PDE1C: variants seen among roughly 807,000 people sequenced by gnomAD.
The protein encoded by PDE1C is phosphodiesterase 1C.
Under a neutral mutation model 93.1 loss-of-function variants are expected in PDE1C, and 62 were observed. The observed-to-expected ratio is 0.67, with a 90% CI of 0.54 to 0.82. The LOEUF (loss-of-function observed/expected upper bound fraction) is 0.82, where lower values mean the gene tolerates loss of function less well. Among genes scored for constraint, PDE1C ranks in the 40% least tolerant of loss-of-function variants. The probability of loss-of-function intolerance (pLI) is 0.00; values close to 1 mark genes in which losing one functional copy is unlikely to be tolerated. For synonymous variants in PDE1C, 325 were observed against 310.1 expected (o/e 1.05, Z -0.50); for missense variants, 742 against 884.6 (o/e 0.84, Z 2.04).
the PDE1C span, among the ~76,000 whole-genome samples, chr7:31,712,858 G>A: frequency 6.6e-6 from 1 of 152,098 alleles, no homozygotes; most frequent in Non-Finnish European, 1.5e-5. Context: ...GATCTCATGA[G>A]ACTTATTCAC....
chr7:32,227,080 T>C (rs1807337539), intron 1 of PDE1C, among the ~76,000 whole-genome samples: 1 of 152,200 alleles, frequency 6.6e-6, no homozygotes, highest in Non-Finnish European at 1.5e-5. Context: ...GCAGCCAACC[T>C]TGCAGTCGCA....
rs1583435950 is a variant in PDE1C at position 32,420,414 on chromosome 7, CAT to C, written c.310+7406_310+7407del. ...ATATACACACACACACACACACACA[CAT>C]ATACACACACACATGTAATCCCAAC... On this transcript the variant is annotated intron_variant, in intron 1 of 1. Coordinates refer to the PDE1C transcript ENST00000672256. Among the ~76,000 whole-genome samples the C allele has an allele frequency of 2.9e-5, 4 of 139,898 alleles. No individual in the cohort carries two copies. In the East Asian group the frequency reaches 8.7e-4, roughly 31 times the overall value. The allele number at this position is 139,898 out of a possible 152,430, so 91.8% of individuals were successfully genotyped here. A position where few individuals can be genotyped will look rare whatever the true frequency, so the allele number is the denominator to read the frequency against.
intron 3 of PDE1C, among the ~76,000 whole-genome samples, chr7:32,166,122 A>G (rs1160193082): frequency 2.0e-5 from 3 of 152,108 alleles, no homozygotes; most frequent in Admixed American, 1.3e-4. Context: ...TTTGCAATGT[A>G]CACATGCAAC....
At chr7:32,192,572 A>G (rs1804308111) in intron 2 of PDE1C, among the ~76,000 whole-genome samples, 1 of 151,838 alleles carries the variant, frequency 6.6e-6, no homozygotes, top group Non-Finnish European at 1.5e-5. Context: ...CACCAATACC[A>G]CTCATCTTGA....
intron 1 of PDE1C, among the ~76,000 whole-genome samples, chr7:32,357,342 A>AT (rs1784051581): frequency 6.6e-6 from 1 of 152,068 alleles, no homozygotes; most frequent in African/African-American, 2.4e-5. Context: ...ACACACAAAA[A>AT]AAAAACCTTT....
chr7:32,306,257 T>C (rs939035836), intron 1 of PDE1C, among the ~76,000 whole-genome samples: 3 of 152,156 alleles, frequency 2.0e-5, no homozygotes, highest in Non-Finnish European at 4.4e-5. Context: ...AACGGGCTAA[T>C]ACCGTAAATT....
At position 31,833,051 on chromosome 7, in the gene PDE1C, C is replaced by T. The variant is rs1228416244; in HGVS notation, c.1203+4129G>A. Among the ~76,000 whole-genome samples the T allele has an allele frequency of 3.3e-5, 5 of 152,144 alleles. No homozygotes were observed. In the East Asian group the frequency reaches 7.8e-4, roughly 24 times the overall value. ...TTCCCATGTGTTGTGGAAGGGAGCC[C>T]GTGGGAGATAATTGAATAATGGGGG... is the stretch of plus-strand genomic sequence containing the variant. On this transcript the variant is annotated intron_variant, in intron 11 of 17. Transcript: ENST00000396191.
intron 2 of PDE1C, among the ~76,000 whole-genome samples, chr7:31,988,854 G>T (rs1362505541): frequency 6.6e-6 from 1 of 152,070 alleles, no homozygotes; most frequent in African/African-American, 2.4e-5. Context: ...AATTAGCTGG[G>T]CGTAGTGGCA....
chr7:32,082,610 G>C (rs566601986), intron 3 of PDE1C, among the ~76,000 whole-genome samples: 1 of 152,260 alleles, frequency 6.6e-6, no homozygotes, highest in East Asian at 1.9e-4. Context: ...CCCCAGTAGG[G>C]GCAGACTGAC....
At chr7:32,203,892 T>G (rs1239757935) in intron 2 of PDE1C, among the ~76,000 whole-genome samples, 1 of 152,220 alleles carries the variant, frequency 6.6e-6, no homozygotes, top group East Asian at 1.9e-4. Flanking sequence ...AAATTCGCTC[T>G]CCCTGTGGAT....
At chr7:31,692,686 G>A in the PDE1C span, among the ~76,000 whole-genome samples, 1 of 152,208 alleles carries the variant, frequency 6.6e-6, no homozygotes, top group Non-Finnish European at 1.5e-5. Context: ...ATAGCCATGG[G>A]TCTGTGGGGT....
the PDE1C span, among the ~76,000 whole-genome samples, chr7:31,676,433 C>T: frequency 2.0e-5 from 3 of 152,082 alleles, no homozygotes; most frequent in Non-Finnish European, 4.4e-5. Context: ...TAAAACTACA[C>T]ACACACACAC....
chr7:32,400,493 A>C (rs431007), intron 1 of PDE1C, among the ~76,000 whole-genome samples: 134,086 of 152,184 alleles, frequency 0.88, 60,881 homozygotes, highest in East Asian at 0.99. Context: ...TAAGAGTTAC[A>C]ATGCACATTT....
intron 1 of PDE1C, among the ~76,000 whole-genome samples, chr7:32,291,123 C>T (rs895231233): frequency 6.6e-6 from 1 of 152,150 alleles, no homozygotes; most frequent in African/African-American, 2.4e-5. Context: ...ATATAATTGT[C>T]TACATTTAAC....
chr7:31,895,378 G>A (rs1799152424), intron 2 of PDE1C, among the ~76,000 whole-genome samples: 1 of 152,078 alleles, frequency 6.6e-6, no homozygotes, highest in Non-Finnish European at 1.5e-5. Context: ...CTGTGACCAA[G>A]CAGACAAGAG....
chr7:31,767,683 G>A (rs1246539034), intron 17 of PDE1C, among the ~76,000 whole-genome samples: 2 of 152,214 alleles, frequency 1.3e-5, no homozygotes, highest in Non-Finnish European at 2.9e-5. Context: ...CTGTGACTGA[G>A]TGGGTTACAA....
intron 1 of PDE1C, among the ~76,000 whole-genome samples, chr7:32,255,719 G>A (rs1809740470): frequency 6.6e-6 from 1 of 152,134 alleles, no homozygotes; most frequent in South Asian, 2.1e-4. Context: ...GAAGAGAAAG[G>A]ACACCCCAAA....
chr7:32,180,428 G>T (rs895957639), intron 2 of PDE1C, among the ~76,000 whole-genome samples: 2 of 152,328 alleles, frequency 1.3e-5, no homozygotes, highest in African/African-American at 4.8e-5. Flanking sequence ...CAGTATAATA[G>T]TATTAAGAGG....
At chr7:32,253,398 A>G (rs1439229608) in intron 1 of PDE1C, among the ~76,000 whole-genome samples, 1 of 152,148 alleles carries the variant, frequency 6.6e-6, no homozygotes, top group Non-Finnish European at 1.5e-5. Flanking sequence ...CCGAAACCCC[A>G]CAATGCTCCA....
Sources: gnomAD v4.1 joint callset for allele counts (sites outside exome capture counted in the v4.1 genomes callset) on GRCh38, gnomAD v4.1.1 for gene constraint, MANE v1.5 for transcripts, NCBI Gene and HGNC (gene_info 2026-07-23, HGNC 2026-07-21) for gene names.